The following FBLN1 variants were observed in gnomAD, a reference collection of about 807,000 sequenced individuals.
FBLN1 encodes fibulin-1.
Under a neutral mutation model 89.7 loss-of-function variants are expected in FBLN1, and 34 were observed. The observed-to-expected ratio is 0.38, with a 90% CI of 0.29 to 0.50. The LOEUF (loss-of-function observed/expected upper bound fraction) is 0.50. FBLN1 is among the 20% of genes least tolerant of loss of function. The probability of loss-of-function intolerance (pLI) is 0.92; values close to 1 mark genes in which losing one functional copy is unlikely to be tolerated. For synonymous variants in FBLN1, 393 were observed against 391.3 expected, an observed-to-expected ratio of 1.00 and a Z score of -0.05; for missense variants, 777 against 988.1, an observed-to-expected ratio of 0.79 and a Z score of 2.86.
rs1233719043 is a variant in FBLN1, at chr22:45,557,382, C to T, written c.1697+6767C>T. Among the ~76,000 whole-genome samples, 2 of 152,202 alleles carry T rather than the reference C, an allele frequency of 1.3e-5. No homozygotes were observed. Among genetic ancestry groups the T allele is most frequent in the Non-Finnish European group, 2.9e-5 (2 of 68,044 alleles). On this transcript the variant is annotated intron_variant, in intron 14 of 16. Transcript: ENST00000327858. The surrounding 1 kb of genome is among the most constrained non-coding windows in gnomAD (Gnocchi z 4.9). ...AAGAGGTCCAGTATAATCAACCTGC[C>T]ACCAGGTAGCTGGCTGATCACCCCG...
intron 1 of FBLN1, among the ~76,000 whole-genome samples, chr22:45,513,832 C>T (rs368129087): frequency 1.2e-4 from 19 of 152,198 alleles, no homozygotes; most frequent in African/African-American, 2.6e-4. Flanking sequence ...CTTGCTCTGT[C>T]GCCCAGGCTG....
At position 45,574,377 on chromosome 22, in the gene FBLN1, C is replaced by A; in HGVS notation, c.1698-134C>A. ...GCAGCCAGGCTGCAGAGACCACTGT[C>A]GTTCTCTGATGGAGCTGTCTCTGGG... is the stretch of plus-strand genomic sequence containing the variant. On this transcript the variant is annotated intron_variant, in intron 14 of 16. Coordinates refer to ENST00000327858, the MANE Select transcript of FBLN1 (RefSeq NM_006486.3). The surrounding 1 kb of genome is among the most constrained non-coding windows in gnomAD (Gnocchi z 4.1). The A allele has an allele frequency of 1.1e-6, 1 of 927,258 alleles. No homozygotes were observed. Among genetic ancestry groups the A allele is most frequent in the Non-Finnish European group, 1.7e-6 (1 of 590,752 alleles). 57.4% of individuals were successfully genotyped at this position (927,258 alleles called of 1,614,324 possible).
Position 45,578,232 on chromosome 22 carries a change from G to A in FBLN1, c.1972+1124G>A, listed in dbSNP as rs981499450. 6.6e-6 allele frequency: 1 copy of A among 152,176 alleles called. No homozygotes were observed. The highest frequency in any genetic ancestry group is 2.1e-4 in the South Asian group (1 of 4,838). The allele number at this position is 152,176 out of a possible 1,614,324, so 9.4% of individuals were successfully genotyped here. On this transcript the variant is annotated intron_variant, in intron 16 of 16. Coordinates refer to ENST00000327858, the MANE Select transcript of FBLN1 (RefSeq NM_006486.3). The surrounding 1 kb of genome is among the most constrained non-coding windows in gnomAD (Gnocchi z 4.6). ...CGCTCAGTCTTTGCGCCTCAAACCC[G>A]ACGGTTGTTAAAACTGGCAGCTGGA...
intron 14 of FBLN1, among the ~76,000 whole-genome samples, chr22:45,571,942 A>G (rs1159520198): frequency 1.3e-5 from 2 of 152,136 alleles, no homozygotes; most frequent in Non-Finnish European, 2.9e-5. Context: ...TAGCCTGACC[A>G]ACATGATGAA....
At position 45,574,780 on chromosome 22, in the gene FBLN1, T is replaced by A; in HGVS notation, c.1840+127T>A. 1.4e-5 allele frequency: 7 copies of A among 497,824 alleles called. No homozygotes were observed. The highest frequency in any genetic ancestry group is 1.9e-5 in the Non-Finnish European group (6 of 320,318). 30.8% of individuals were successfully genotyped at this position (497,824 alleles called of 1,614,324 possible). On this transcript the variant is annotated intron_variant, in intron 15 of 16. Coordinates refer to ENST00000327858, the MANE Select transcript of FBLN1 (RefSeq NM_006486.3). The surrounding 1 kb of genome is among the most constrained non-coding windows in gnomAD (Gnocchi z 4.1). ...AGGCTTTGAAATGCAGAACTTTCTTTTTTTTTTTTTTTTTTTTTTGAGACG... is the reference window on the plus strand; with the variant it reads ...AGGCTTTGAAATGCAGAACTTTCTTATTTTTTTTTTTTTTTTTTTGAGACG...
rs114090291 is a variant in FBLN1, at chr22:45,550,014, G to A, written c.1574-478G>A. Among the ~76,000 whole-genome samples, 552 of 152,258 alleles carry A rather than the reference G, an allele frequency of 3.6e-3. 2 individuals are homozygous for A. Among genetic ancestry groups the A allele is most frequent in the African/African-American group, 0.012 (516 of 41,538 alleles). ...ACCTAGGGTAAGGGTGCTGAGCCTC[G>A]GGAGCCACAGAGAGGCTCTGGTTAG... On this transcript the variant is annotated intron_variant, in intron 13 of 16. Transcript: ENST00000327858. This position sits in a 1 kb window ranked among gnomAD's most constrained non-coding sequence, Gnocchi z 8.4.
intron 1 of FBLN1, among the ~76,000 whole-genome samples, chr22:45,508,883 G>C (rs1395388528): frequency 1.3e-5 from 2 of 152,230 alleles, no homozygotes; most frequent in Non-Finnish European, 2.9e-5. Context: ...ACTAAGTACA[G>C]AGTTAATTAT....
chr22:45,507,084 A>AC (rs1446093092), intron 1 of FBLN1, among the ~76,000 whole-genome samples: 1 of 151,756 alleles, frequency 6.6e-6, no homozygotes, highest in Admixed American at 6.6e-5. Flanking sequence ...GGGATAGGAG[A>AC]CCCCCTCAGG....
At position 45,550,566 on chromosome 22, in the gene FBLN1, C is replaced by T. The variant is rs747296862; in HGVS notation, c.1648C>T (p.Arg550Cys). ...CTGCTTCAACATCCAGGGCGGCTTC[C>T]GCTGCCTGGCCTTCGAGTGCCCTGA... Reference protein sequence around the residue: ...ETCFNIQGGFRCLAFECPENY... With the variant: ...ETCFNIQGGFCCLAFECPENY... The change falls in exon 14 of 17, where the codon CGC becomes TGC. Residue 550 changes from arginine (R) to cysteine (C), a missense_variant. Transcript: ENST00000327858. The surrounding 1 kb of genome is among the most constrained non-coding windows in gnomAD (Gnocchi z 8.4). 1.8e-5 allele frequency: 29 copies of T among 1,613,998 alleles called. No individual in the cohort carries two copies. Among genetic ancestry groups the T allele is most frequent in the East Asian group, 2.2e-5 (1 of 44,894 alleles).
At position 45,543,450 on chromosome 22, in the gene FBLN1, C is replaced by T. The variant is rs200054821; in HGVS notation, c.1245C>T (p.Cys415=). Residue 415 remains cysteine, a synonymous_variant, in exon 11 of 17, where the codon TGC becomes TGT. Transcript: ENST00000327858. ...RYPGRLCGHK[C]ENTLGSYLCS... ...CCGGGCGCCTGTGTGGCCACAAGTG[C>T]GAGAACACGCTGGGCTCCTACCTCT... The T allele has an allele frequency of 1.1e-4, 176 of 1,613,752 alleles. No homozygotes were observed. The highest frequency in any genetic ancestry group is 1.4e-4 in the Non-Finnish European group (168 of 1,179,988).
At chr22:45,555,550 G>T (rs2088778088) in intron 14 of FBLN1, among the ~76,000 whole-genome samples, 1 of 152,096 alleles carries the variant, frequency 6.6e-6, no homozygotes, top group African/African-American at 2.4e-5. Context: ...CGTGCTGGCA[G>T]CTGATTAGTT....
intron 11 of FBLN1, among the ~76,000 whole-genome samples, chr22:45,544,781 C>A (rs2088604832): frequency 6.6e-6 from 1 of 152,188 alleles, no homozygotes; most frequent in African/African-American, 2.4e-5. Context: ...TTCCTGCCAA[C>A]AGTCTTGTGG....
chr22:45,574,612 T>C lies in FBLN1; in HGVS notation c.1799T>C (p.Val600Ala), dbSNP rs758541974. Residue 600 changes from valine to alanine, a missense_variant, in exon 15 of 17, where the codon GTC (valine) becomes GCC (alanine). Coordinates refer to ENST00000327858, the MANE Select transcript of FBLN1 (RefSeq NM_006486.3). The surrounding 1 kb of genome is among the most constrained non-coding windows in gnomAD (Gnocchi z 4.1). The part of the protein sequence containing the change: ...FDPVHTISHT[V>A]ISLPTFREFT... ...CCCGTGCACACCATCTCCCACACCG[T>C]CATCTCGCTGCCTACCTTCCGCGAG... 1 of 1,614,094 alleles carries C rather than the reference T, an allele frequency of 6.2e-7. No homozygotes were observed. Among genetic ancestry groups the C allele is most frequent in the Admixed American group, 1.7e-5 (1 of 60,002 alleles).
At chr22:45,558,070 G>C (rs1030386545) in intron 14 of FBLN1, 6 of 716,740 alleles carry the variant, frequency 8.4e-6, no homozygotes, top group Non-Finnish European at 1.6e-5. Context: ...TCCTCTGTCA[G>C]ATGATCGTAG....
chr22:45,508,708 CG>C (rs1396655921), intron 1 of FBLN1, among the ~76,000 whole-genome samples: 2 of 152,136 alleles, frequency 1.3e-5, no homozygotes, highest in African/African-American at 4.8e-5. Context: ...TGCATGGCCT[CG>C]GGCAACTTGG....
chr22:45,523,522 G>A (rs1384180061), intron 2 of FBLN1, among the ~76,000 whole-genome samples: 1 of 152,174 alleles, frequency 6.6e-6, no homozygotes, highest in African/African-American at 2.4e-5. Flanking sequence ...GGCCAACATG[G>A]CAAGATCTCA....
intron 7 of FBLN1, 116 bp downstream of exon 7, chr22:45,534,014 G>A: frequency 7.0e-7 from 1 of 1,418,756 alleles, no homozygotes; most frequent in Non-Finnish European, 9.8e-7. Context: ...GTGGCTGCCT[G>A]GGCGACTGCC....
chr22:45,515,501 T>C (rs144434224), intron 1 of FBLN1, among the ~76,000 whole-genome samples: 243 of 152,256 alleles, frequency 1.6e-3, no homozygotes, highest in Middle Eastern at 3.4e-3. Context: ...CAGGAAGCAT[T>C]TCCAAACCGT....
rs540348726 is a variant in FBLN1, at chr22:45,592,248, C to T, written c.1973-8059C>T. On this transcript the variant is annotated intron_variant, in intron 16 of 16. Coordinates refer to ENST00000327858, the MANE Select transcript of FBLN1 (RefSeq NM_006486.3). ...GGTCTCTCTGTCTCCACCCATGTCT[C>T]CTGCTGTGTGGCCTCTTTCCAGCCC... 4.3e-4 allele frequency among the ~76,000 whole-genome samples: 65 copies of T among 152,350 alleles called. 1 individual carries two copies. Among genetic ancestry groups the T allele is most frequent in the African/African-American group, 1.4e-3 (57 of 41,582 alleles).
Sources: allele counts gnomAD v4.1 joint callset (sites outside exome capture counted in the v4.1 genomes callset), GRCh38; gene constraint gnomAD v4.1.1; non-coding constraint Gnocchi (gnomAD v3.1); transcripts MANE v1.5; gene names NCBI Gene and HGNC (gene_info 2026-07-23, HGNC 2026-07-21).